PLEKHG4B: variants seen among roughly 807,000 people sequenced by gnomAD.
PLEKHG4B encodes pleckstrin homology domain-containing family G member 4B.
In PLEKHG4B, 111 loss-of-function variants were observed where a neutral mutation model predicts 121.3. That is an observed-to-expected ratio of 0.92 (90% CI 0.78 to 1.07). The LOEUF is 1.07. Ranked by LOEUF, PLEKHG4B falls within the 50% of genes least tolerant of loss-of-function variation. PLEKHG4B has a pLI of 0.00. For missense variants in PLEKHG4B, 1,831 were observed against 1,757.8 expected, an observed-to-expected ratio of 1.04 and a Z score of -0.74; for synonymous variants, 738 against 725.0, an observed-to-expected ratio of 1.02 and a Z score of -0.29.
At chr5:150,824 A>C (rs1350996707) in intron 6 of PLEKHG4B, among the ~76,000 whole-genome samples, 1 of 152,246 alleles carries the variant, frequency 6.6e-6, no homozygotes, top group Non-Finnish European at 1.5e-5. Flanking sequence ...CTTACTTATC[A>C]CATGAGCCAG....
In PLEKHG4B at chr5:159,369, T is replaced by C. The variant is rs1230447771; in HGVS notation, c.2488-2414T>C. On this transcript the variant is annotated intron_variant, in intron 11 of 19. Coordinates refer to ENST00000637938, the MANE Select transcript of PLEKHG4B (RefSeq NM_052909.5). This position sits in a 1 kb window ranked among gnomAD's most constrained non-coding sequence, Gnocchi z 5.5. ...CCTCTGTTCTGGGAATTCTGTGACA[T>C]CCTTCGTGGCGCTCGCATTTCCCAC... Among the ~76,000 whole-genome samples the C allele has an allele frequency of 1.3e-5, 2 of 152,152 alleles. No homozygotes were observed. Among genetic ancestry groups the C allele is most frequent in the African/African-American group, 4.8e-5 (2 of 41,420 alleles).
At chr5:176,403 C>T (rs1485465582) in intron 18 of PLEKHG4B, among the ~76,000 whole-genome samples, 1 of 152,238 alleles carries the variant, frequency 6.6e-6, no homozygotes, top group Admixed American at 6.5e-5. Context: ...GCCCTGCCAG[C>T]CTTGAATAAT....
At chr5:122,459 T>G (rs28750547) in intron 2 of PLEKHG4B, among the ~76,000 whole-genome samples, 28,465 of 151,790 alleles carry the variant, frequency 0.19, 3,699 homozygotes, top group African/African-American at 0.37. Context: ...TTGCACTGTC[T>G]CCTGGGCTGG....
rs373657712 is a variant in PLEKHG4B at position 156,079 on chromosome 5, C to G, written c.2217C>G (p.Ala739=). 1 of 1,580,592 alleles carries G rather than the reference C, an allele frequency of 6.3e-7. No individual in the cohort carries two copies. Among genetic ancestry groups the G allele is most frequent in the Non-Finnish European group, 8.6e-7 (1 of 1,161,430 alleles). Residue 739 remains alanine (A), a synonymous_variant, in exon 10 of 20, where the codon GCC becomes GCG. Coordinates refer to ENST00000637938, the MANE Select transcript of PLEKHG4B (RefSeq NM_052909.5). The surrounding 1 kb of genome is among the most constrained non-coding windows in gnomAD (Gnocchi z 4.4). Reference sequence around the variant, plus strand: ...CTCCCCATCCCGTGCAGGAAGTCGCCGAGTTAATTGACCAGCATGAGACGA... The same window carrying G: ...CTCCCCATCCCGTGCAGGAAGTCGCGGAGTTAATTGACCAGCATGAGACGA... ...HRTPRTAQEV[A]ELIDQHETMM... is the part of the protein sequence containing the mutation.
chr5:163,377 A>T lies in PLEKHG4B; in HGVS notation c.3305A>T (p.Asp1102Val), dbSNP rs757021377. The change falls in exon 13 of 20, where the codon GAC becomes GTC. Residue 1102 changes from aspartate (D) to valine (V), a missense_variant. Asp to Val is a radical substitution (Grantham distance 152, BLOSUM62 -3). Transcript: ENST00000637938. ...GGCCCCAGGGACTCCTGCCAGCCAGACCATACTAGTGTCTTCAGCAAGGGC... is the reference window on the plus strand; with the variant it reads ...GGCCCCAGGGACTCCTGCCAGCCAGTCCATACTAGTGTCTTCAGCAAGGGC... ...DSGPRDSCQP[D>V]HTSVFSKGLE... 1.2e-6 allele frequency: 2 copies of T among 1,613,202 alleles called. No homozygotes were observed. Among genetic ancestry groups the T allele is most frequent in the Admixed American group, 1.7e-5 (1 of 60,034 alleles).
At chr5:96,863 G>GA (rs569721735) in intron 1 of PLEKHG4B, among the ~76,000 whole-genome samples, 13 of 151,468 alleles carry the variant, frequency 8.6e-5, no homozygotes, top group East Asian at 1.9e-4. Flanking sequence ...CAACAAATGA[G>GA]AAAAAAAAAT....
In PLEKHG4B at chr5:163,286, A is replaced by G. The variant is rs1736107780; in HGVS notation, c.3214A>G (p.Arg1072Gly). The change falls in exon 13 of 20, where the codon AGG (arginine) becomes GGG (glycine). Residue 1072 changes from arginine to glycine, a missense_variant. Physicochemically the swap from Arg to Gly is moderately radical, Grantham distance 125. Transcript: ENST00000637938. ...EPTQTLASRP[R>G]KHPQKKMIKK... is the part of the protein sequence containing the mutation. ...CACCCAGACCCTGGCCAGCCGCCCCAGGAAACATCCCCAGAAGAAAATGAT... is the reference window on the plus strand; with the variant it reads ...CACCCAGACCCTGGCCAGCCGCCCCGGGAAACATCCCCAGAAGAAAATGAT... 1.2e-6 allele frequency: 2 copies of G among 1,613,308 alleles called. No homozygotes were observed. The highest frequency in any genetic ancestry group is 1.7e-6 in the Non-Finnish European group (2 of 1,180,006).
Position 169,610 on chromosome 5 carries a change from CG to C in PLEKHG4B, c.3729+19del. ...TGAGACACGTAAGTGCAGGCCATGGCGTGGGTGCCGGGCAACGTGGTGGGTG... is the reference window on the plus strand; with the variant it reads ...TGAGACACGTAAGTGCAGGCCATGGCTGGGTGCCGGGCAACGTGGTGGGTG... On this transcript the variant is annotated intron_variant, in intron 14 of 19. Transcript: ENST00000637938. 2 of 1,609,578 alleles carry C rather than the reference CG, an allele frequency of 1.2e-6. No individual in the cohort carries two copies. Among genetic ancestry groups the C allele is most frequent in the African/African-American group, 2.7e-5 (2 of 75,032 alleles).
intron 3 of PLEKHG4B, among the ~76,000 whole-genome samples, chr5:141,460 T>C (rs903555847): frequency 6.7e-6 from 1 of 150,222 alleles, no homozygotes; most frequent in Non-Finnish European, 1.5e-5. Context: ...CCTCTGACCG[T>C]CCTCCGTGGC....
In PLEKHG4B at chr5:157,472, C is replaced by T. The variant is rs1735826603; in HGVS notation, c.2487+561C>T. Reference sequence around the variant, plus strand: ...AGAAATGGCATTGGTGGGGGTTGGCCACACGCTGCTGGACTACAGGGTGTG... The same window carrying T: ...AGAAATGGCATTGGTGGGGGTTGGCTACACGCTGCTGGACTACAGGGTGTG... On this transcript the variant is annotated intron_variant, in intron 11 of 19. Coordinates refer to ENST00000637938, the MANE Select transcript of PLEKHG4B (RefSeq NM_052909.5). This position sits in a 1 kb window ranked among gnomAD's most constrained non-coding sequence, Gnocchi z 4.6. 6.6e-6 allele frequency among the ~76,000 whole-genome samples: 1 copy of T among 152,210 alleles called. No homozygotes were observed. Among genetic ancestry groups the T allele is most frequent in the Admixed American group, 6.5e-5 (1 of 15,290 alleles).
intron 1 of PLEKHG4B, among the ~76,000 whole-genome samples, chr5:93,062 C>G (rs1401266096): frequency 1.3e-5 from 2 of 152,132 alleles, no homozygotes; most frequent in African/African-American, 4.8e-5. Flanking sequence ...TTACACTCTA[C>G]TCCTGTTACC....
rs565864860 is a variant in PLEKHG4B, at chr5:117,580, C to T, written c.243+4132C>T. Among the ~76,000 whole-genome samples the T allele has an allele frequency of 1.0e-3, 156 of 152,244 alleles. 2 individuals are homozygous for T. The highest frequency in any genetic ancestry group is 3.3e-3 in the African/African-American group (138 of 41,526). ...GAAGTTTAGAGAAAAGGGCCCGGTG[C>T]GGTGGCTCACACCTGTAATCCCAGC... is the stretch of plus-strand genomic sequence containing the variant. On this transcript the variant is annotated intron_variant, in intron 2 of 19. Coordinates refer to ENST00000637938, the MANE Select transcript of PLEKHG4B (RefSeq NM_052909.5).
intron 13 of PLEKHG4B, among the ~76,000 whole-genome samples, chr5:165,898 C>T (rs1400345554): frequency 9.8e-4 from 19 of 19,384 alleles, no homozygotes; most frequent in African/African-American, 3.4e-3. Flanking sequence ...TCTGACGGGG[C>T]GGAGCTCACA....
intron 2 of PLEKHG4B, among the ~76,000 whole-genome samples, chr5:121,300 G>C (rs1164228267): frequency 6.6e-6 from 1 of 151,938 alleles, no homozygotes. Context: ...TACAAGATCT[G>C]TAATTAAAAT....
intron 2 of PLEKHG4B, among the ~76,000 whole-genome samples, chr5:130,061 A>AAG (rs754535739): frequency 1.5e-4 from 22 of 150,468 alleles, no homozygotes; most frequent in African/African-American, 4.9e-4. Context: ...AGTGAATATG[A>AAG]AGAGAGAGTG....
intron 13 of PLEKHG4B, among the ~76,000 whole-genome samples, chr5:167,859 G>A (rs1736404104): frequency 6.6e-6 from 1 of 152,270 alleles, no homozygotes; most frequent in South Asian, 2.1e-4. Context: ...TTTGTTTATG[G>A]TGTAAAAGTA....
intron 1 of PLEKHG4B, among the ~76,000 whole-genome samples, chr5:100,040 G>A (rs776420263): frequency 6.6e-6 from 1 of 152,138 alleles, no homozygotes. Flanking sequence ...GTTTTCTTAC[G>A]TTGAAGAACG....
At chr5:145,997 G>C (rs551609122) in intron 6 of PLEKHG4B, among the ~76,000 whole-genome samples, 1 of 151,950 alleles carries the variant, frequency 6.6e-6, no homozygotes, top group African/African-American at 2.4e-5. Context: ...AGCACTGGCA[G>C]AGCTCACCAC....
intron 17 of PLEKHG4B, among the ~76,000 whole-genome samples, chr5:173,392 C>T (rs1736636261): frequency 1.3e-5 from 2 of 151,832 alleles, no homozygotes; most frequent in African/African-American, 4.8e-5. Flanking sequence ...CTCGGAGGTG[C>T]ACAGGGAGGG....
Sources: gnomAD v4.1 joint callset for allele counts (sites outside exome capture counted in the v4.1 genomes callset) on GRCh38, gnomAD v4.1.1 for gene constraint, Gnocchi (gnomAD v3.1) non-coding constraint, MANE v1.5 for transcripts, NCBI Gene and HGNC (gene_info 2026-07-23, HGNC 2026-07-21) for gene names.